NDUFA13: variants seen among roughly 807,000 people sequenced by gnomAD.
NDUFA13 encodes the protein NADH dehydrogenase [ubiquinone] 1 alpha subcomplex subunit 13.
A neutral mutation model predicts 17.0 loss-of-function variants in NDUFA13; 16 were observed. That is an observed-to-expected ratio of 0.94 (90% CI 0.64 to 1.43). The LOEUF (loss-of-function observed/expected upper bound fraction) is 1.43. Among genes scored for constraint, NDUFA13 ranks in the 40% most tolerant of loss-of-function variants. NDUFA13 has a pLI of 0.00. For synonymous variants in NDUFA13, 87 were observed against 78.4 expected (o/e 1.11, Z -0.58); for missense variants, 228 against 206.7 (o/e 1.10, Z -0.63).
intron 1 of NDUFA13, among the ~76,000 whole-genome samples, chr19:19,524,800 C>A (rs773417848): frequency 6.6e-6 from 1 of 151,446 alleles, no homozygotes; most frequent in Middle Eastern, 3.2e-3. Context: ...AGTGAGATTC[C>A]GTCTCAAAAA....
Position 19,527,317 on chromosome 19 carries a change from G to A in NDUFA13, c.210G>A (p.Ala70=), listed in dbSNP as rs145850991. ...LQIEDFEARI[A]LLPLLQAETD... ...TCGAGGACTTCGAGGCTCGCATCGCGCTGTTGCCACTGTTACAGGCAGAAA... is the reference window on the plus strand; with the variant it reads ...TCGAGGACTTCGAGGCTCGCATCGCACTGTTGCCACTGTTACAGGCAGAAA... The change falls in exon 3 of 5, where the codon GCG becomes GCA. Residue 70 remains alanine, a synonymous_variant. Transcript: ENST00000507754. 50 of 1,613,836 alleles carry A rather than the reference G, an allele frequency of 3.1e-5. No homozygotes were observed. The highest frequency in any genetic ancestry group is 1.6e-4 in the Middle Eastern group (1 of 6,084).
chr19:19,521,412 G>A (rs1275065151), intron 1 of NDUFA13, among the ~76,000 whole-genome samples: 5 of 152,312 alleles, frequency 3.3e-5, no homozygotes, highest in African/African-American at 1.2e-4. Context: ...AAGAGATGGG[G>A]CCTCAGTGTT....
chr19:19,521,042 C>G (rs1044183264), intron 1 of NDUFA13, among the ~76,000 whole-genome samples: 2 of 152,190 alleles, frequency 1.3e-5, no homozygotes, highest in African/African-American at 4.8e-5. Context: ...CCCTTGTGAA[C>G]TTTCCCCTAA....
chr19:19,516,341 C>G lies in NDUFA13; in HGVS notation c.94+9C>G. The stretch of plus-strand genomic sequence containing the variant: ...GCGTCGAGGACTGTCGGGTCAGTAT[C>G]ACTCTGCGCCGGGGTCTCAGAGTCT... On this transcript the variant is annotated intron_variant, in intron 1 of 4. Transcript: ENST00000507754. 1 of 1,613,022 alleles carries G rather than the reference C, an allele frequency of 6.2e-7. No individual in the cohort carries two copies. The highest frequency in any genetic ancestry group is 1.1e-5 in the South Asian group (1 of 91,060).
At chr19:19,521,200 T>G (rs774217918) in intron 1 of NDUFA13, among the ~76,000 whole-genome samples, 4 of 152,186 alleles carry the variant, frequency 2.6e-5, no homozygotes, top group Non-Finnish European at 5.9e-5. Context: ...ACACTGATTA[T>G]TTTCCATTTT....
At chr19:19,518,569 T>TG (rs35971239) in intron 1 of NDUFA13, among the ~76,000 whole-genome samples, 7,269 of 138,610 alleles carry the variant, frequency 0.052, 250 homozygotes, top group East Asian at 0.14. Flanking sequence ...TTTGTGTGTG[T>TG]GTTTTTTTTT....
At chr19:19,526,443 G>C (rs1485571196) in intron 2 of NDUFA13, 183 bp downstream of exon 2, 1 of 686,154 alleles carries the variant, frequency 1.5e-6, no homozygotes, top group East Asian at 2.8e-5. Flanking sequence ...CTCTGTCCTC[G>C]AGATGTCTCC....
At chr19:19,526,715 A>G (rs1435145391) in intron 2 of NDUFA13, 1 of 302,942 alleles carries the variant, frequency 3.3e-6, no homozygotes, top group Non-Finnish European at 6.4e-6. Context: ...ACAGGGCCAG[A>G]TGAACTAGGG....
At chr19:19,527,896 G>T (rs756269693) in intron 4 of NDUFA13, 111 bp from the exon 5 acceptor site, 1 of 1,496,452 alleles carries the variant, frequency 6.7e-7, no homozygotes, top group South Asian at 1.2e-5. Context: ...GGTCCCACAA[G>T]GGAAGGCTGT....
chr19:19,516,238 T>A lies in NDUFA13; in HGVS notation c.-1T>A. 1 of 1,613,956 alleles carries A rather than the reference T, an allele frequency of 6.2e-7. No individual in the cohort carries two copies. The highest frequency in any genetic ancestry group is 1.1e-5 in the South Asian group (1 of 91,074). ...GACCGGAAGTGTGGGATACTGCGAGTATGGCGGCGTCAAAGGTGAAGCAGG... is the reference window on the plus strand; with the variant it reads ...GACCGGAAGTGTGGGATACTGCGAGAATGGCGGCGTCAAAGGTGAAGCAGG... On this transcript the variant is annotated 5_prime_UTR_variant, in exon 1 of 5. Transcript: ENST00000507754.
intron 1 of NDUFA13, among the ~76,000 whole-genome samples, chr19:19,517,244 C>CTT (rs11399431): frequency 4.5e-4 from 66 of 146,524 alleles, no homozygotes; most frequent in Admixed American, 1.3e-3. Context: ...ACATACATTT[C>CTT]TTTTTTTTTT....
intron 1 of NDUFA13, among the ~76,000 whole-genome samples, chr19:19,517,873 T>C (rs2061057470): frequency 6.6e-6 from 1 of 152,146 alleles, no homozygotes; most frequent in Non-Finnish European, 1.5e-5. Flanking sequence ...GCAGACTTTT[T>C]CTATAAAAGG....
At chr19:19,516,738 C>A (rs188012775) in intron 1 of NDUFA13, among the ~76,000 whole-genome samples, 21 of 152,246 alleles carry the variant, frequency 1.4e-4, no homozygotes, top group African/African-American at 4.8e-4. Context: ...TGGTTCCCTG[C>A]TGGCAGCCCC....
At chr19:19,523,216 A>C (rs547757428) in intron 1 of NDUFA13, among the ~76,000 whole-genome samples, 1 of 152,358 alleles carries the variant, frequency 6.6e-6, no homozygotes, top group Admixed American at 6.5e-5. Context: ...ATCAGTTTGC[A>C]CAGCGTTGCC....
chr19:19,518,409 A>G (rs1841277047), intron 1 of NDUFA13, among the ~76,000 whole-genome samples: 1 of 150,504 alleles, frequency 6.6e-6, no homozygotes, highest in Non-Finnish European at 1.5e-5. Flanking sequence ...TAATTTTTGT[A>G]TTTTTAGTAG....
chr19:19,521,387 T>G (rs1216745939), intron 1 of NDUFA13, among the ~76,000 whole-genome samples: 1 of 152,300 alleles, frequency 6.6e-6, no homozygotes, highest in South Asian at 2.1e-4. Flanking sequence ...ATTTTTATTT[T>G]TTATTATTTT....
chr19:19,520,615 G>C (rs1264332993), intron 1 of NDUFA13, among the ~76,000 whole-genome samples: 1 of 152,188 alleles, frequency 6.6e-6, no homozygotes, highest in Non-Finnish European at 1.5e-5. Flanking sequence ...GGGCAACAGA[G>C]TAAGACTCCA....
intron 1 of NDUFA13, 52 bp downstream of exon 1, chr19:19,516,384 G>T (rs1003645138): frequency 6.3e-7 from 1 of 1,596,402 alleles, no homozygotes; most frequent in Non-Finnish European, 8.6e-7. Context: ...CGGGGCTCGG[G>T]GGCGGGGTTC....
chr19:19,521,788 G>A (rs1277061082), intron 1 of NDUFA13, among the ~76,000 whole-genome samples: 1 of 150,208 alleles, frequency 6.7e-6, no homozygotes, highest in Non-Finnish European at 1.5e-5. Flanking sequence ...ATTTTTAGTA[G>A]AGACGGGGTT....
Sources: allele counts gnomAD v4.1 joint callset (sites outside exome capture counted in the v4.1 genomes callset), GRCh38; gene constraint gnomAD v4.1.1; transcripts MANE v1.5; gene names NCBI Gene and HGNC (gene_info 2026-07-23, HGNC 2026-07-21).